The following PLAAT3 variants were observed in gnomAD, a reference collection of about 807,000 sequenced individuals.
PLAAT3 encodes phospholipase A and acyltransferase 3, also known as Ca-independent phospholipase A1/2.
Under a neutral mutation model 16.7 loss-of-function variants are expected in PLAAT3, and 21 were observed. The ratio of observed to expected loss-of-function variants is 1.26; its 90% CI spans 0.89 to 1.81. The LOEUF is 1.81. PLAAT3 is among the 40% of genes most tolerant of loss of function. PLAAT3 has a pLI of 0.00. For missense variants in PLAAT3, 219 were observed against 213.7 expected (o/e 1.02, Z -0.16); for synonymous variants, 76 against 81.7 (o/e 0.93, Z 0.38).
intron 2 of PLAAT3, among the ~76,000 whole-genome samples, chr11:63,613,747 G>A (rs140542656): frequency 0.011 from 1,629 of 152,326 alleles, 28 homozygotes; most frequent in African/African-American, 0.036. Flanking sequence ...TCCCTCCTGA[G>A]GGTCCCGCCT....
At chr11:63,608,344 A>C (rs1262245877) in intron 2 of PLAAT3, 1 of 152,224 alleles carries the variant, frequency 6.6e-6, no homozygotes, top group Non-Finnish European at 1.5e-5. Context: ...GGGAAACTGG[A>C]GCTAAGGGAG....
At chr11:63,577,948 AT>A (rs1937660952) in intron 4 of PLAAT3, among the ~76,000 whole-genome samples, 1 of 152,180 alleles carries the variant, frequency 6.6e-6, no homozygotes, top group Admixed American at 6.5e-5. Flanking sequence ...TAGCAAAAAA[AT>A]AAAGAAATAG....
At chr11:63,604,841 A>C (rs1343204637) in intron 2 of PLAAT3, among the ~76,000 whole-genome samples, 5 of 152,212 alleles carry the variant, frequency 3.3e-5, no homozygotes, top group Non-Finnish European at 2.9e-5. Flanking sequence ...TTGAGCTAAG[A>C]CTTGACAGAA....
At chr11:63,579,681 A>T (rs1937738220) in intron 4 of PLAAT3, among the ~76,000 whole-genome samples, 1 of 133,166 alleles carries the variant, frequency 7.5e-6, no homozygotes, top group Non-Finnish European at 1.5e-5. Context: ...ATGAGAACAC[A>T]TGGACACAGG....
chr11:63,590,336 T>G lies in PLAAT3; in HGVS notation c.151A>C (p.Met51Leu). The change falls in exon 4 of 5, where the codon ATG becomes CTG. Residue 51 changes from methionine (M) to leucine (L), a missense_variant. Coordinates refer to ENST00000415826, the MANE Select transcript of PLAAT3 (RefSeq NM_001128203.2). ...ATGGCCTTGTCAGTCAGGGCGGACATGACACTGGCTGCACCAGCTCCTGCG... is the reference window on the plus strand; with the variant it reads ...ATGGCCTTGTCAGTCAGGGCGGACAGGACACTGGCTGCACCAGCTCCTGCG... ...EVAGAGAASV[M>L]SALTDKAIVK... The G allele has an allele frequency of 6.2e-7, 1 of 1,614,050 alleles. No homozygotes were observed. Among genetic ancestry groups the G allele is most frequent in the South Asian group, 1.1e-5 (1 of 91,084 alleles).
At chr11:63,595,790 G>C (rs1456541350) in intron 3 of PLAAT3, among the ~76,000 whole-genome samples, 5 of 152,188 alleles carry the variant, frequency 3.3e-5, no homozygotes, top group Non-Finnish European at 5.9e-5. Context: ...AGGCTTAAGA[G>C]AAGGGTGAGG....
chr11:63,586,016 A>C (rs1937962587), intron 4 of PLAAT3, among the ~76,000 whole-genome samples: 1 of 152,150 alleles, frequency 6.6e-6, no homozygotes, highest in African/African-American at 2.4e-5. Context: ...CAAGAGTTTA[A>C]GACCAGCCCA....
chr11:63,590,348 C>T lies in PLAAT3; in HGVS notation c.139G>A (p.Ala47Thr). The stretch of plus-strand genomic sequence containing the variant: ...GTCAGGGCGGACATGACACTGGCTG[C>T]ACCAGCTCCTGCGACCTCACCTGCA... ...APPSEVAGAG[A>T]ASVMSALTDK... Residue 47 changes from alanine to threonine, a missense_variant, in exon 4 of 5, where the codon GCA becomes ACA. Transcript: ENST00000415826. 1 of 1,614,094 alleles carries T rather than the reference C, an allele frequency of 6.2e-7. No homozygotes were observed. The highest frequency in any genetic ancestry group is 1.3e-5 in the African/African-American group (1 of 75,060).
intron 2 of PLAAT3, among the ~76,000 whole-genome samples, chr11:63,603,798 C>G (rs915315782): frequency 6.6e-6 from 1 of 150,834 alleles, no homozygotes; most frequent in African/African-American, 2.4e-5. Flanking sequence ...CATGAGCAGG[C>G]ATGGAAATAT....
chr11:63,575,101 T>C, intron 4 of PLAAT3, 55 bp from the exon 5 acceptor site: 1 of 1,212,314 alleles, frequency 8.2e-7, no homozygotes, highest in Non-Finnish European at 1.2e-6. Context: ...GAGTACAGGC[T>C]GCACATTCAG....
At chr11:63,615,194 G>T (rs1314692912), upstream of PLAAT3, among the ~76,000 whole-genome samples, 1 of 120,978 alleles carries the variant, frequency 8.3e-6, no homozygotes, top group African/African-American at 2.9e-5. Flanking sequence ...ATATATATGT[G>T]TGTATATATG....
chr11:63,589,374 A>G (rs536104922), intron 4 of PLAAT3, among the ~76,000 whole-genome samples: 33 of 148,390 alleles, frequency 2.2e-4, no homozygotes, highest in East Asian at 8.0e-4. Flanking sequence ...ATCAACAGCC[A>G]TGTAAGAACC....
chr11:63,614,224 C>T (rs1029582656), intron 1 of PLAAT3, 156 bp from the exon 2 acceptor site: 4 of 632,434 alleles, frequency 6.3e-6, no homozygotes, highest in Non-Finnish European at 1.1e-5. Context: ...TCGCCGGGGC[C>T]CGGCGGGCGC....
upstream of PLAAT3, among the ~76,000 whole-genome samples, chr11:63,615,726 G>A (rs531228072): frequency 6.6e-6 from 1 of 151,076 alleles, no homozygotes; most frequent in African/African-American, 2.4e-5. Context: ...CTGGAGTGCA[G>A]TGGCTCTATC....
chr11:63,583,369 A>G (rs961308844), intron 4 of PLAAT3, among the ~76,000 whole-genome samples: 1 of 152,214 alleles, frequency 6.6e-6, no homozygotes, highest in Admixed American at 6.6e-5. Context: ...TAGTCTGCAG[A>G]TAATGGAGGA....
chr11:63,587,843 A>C (rs2134403353), intron 4 of PLAAT3, among the ~76,000 whole-genome samples: 1 of 152,308 alleles, frequency 6.6e-6, no homozygotes, highest in South Asian at 2.1e-4. Context: ...TTAATATAGC[A>C]GGGAACTGAA....
At chr11:63,596,034 G>A (rs560352224) in intron 3 of PLAAT3, among the ~76,000 whole-genome samples, 4 of 152,020 alleles carry the variant, frequency 2.6e-5, no homozygotes, top group Admixed American at 1.3e-4. Flanking sequence ...GAGGTCAGGA[G>A]ATCGAGACCA....
intron 2 of PLAAT3, among the ~76,000 whole-genome samples, chr11:63,601,807 C>A (rs1272415022): frequency 6.6e-6 from 1 of 151,860 alleles, no homozygotes. Flanking sequence ...GAAGCCCTGC[C>A]TCTACCAAAA....
At chr11:63,583,951 A>G (rs902908219) in intron 4 of PLAAT3, among the ~76,000 whole-genome samples, 7 of 152,364 alleles carry the variant, frequency 4.6e-5, no homozygotes, top group Admixed American at 3.9e-4. Context: ...ACTTTCAACA[A>G]TGTTATAGGT....
Sources: gnomAD v4.1 joint callset for allele counts (sites outside exome capture counted in the v4.1 genomes callset) on GRCh38, gnomAD v4.1.1 for gene constraint, MANE v1.5 for transcripts, NCBI Gene and HGNC (gene_info 2026-07-23, HGNC 2026-07-21) for gene names.